Variants in MCTP2 observed in about 807,000 individuals in gnomAD.
MCTP2 encodes multiple C2 and transmembrane domain containing 2, also known as multiple C2 and transmembrane domain-containing protein 2.
A neutral mutation model predicts 111.6 loss-of-function variants in MCTP2; 132 were observed. That is an observed-to-expected ratio of 1.18 (90% CI 1.03 to 1.37). The LOEUF (loss-of-function observed/expected upper bound fraction) is 1.37. Among genes scored for constraint, MCTP2 ranks in the 40% most tolerant of loss-of-function variants. The pLI, the probability that MCTP2 is intolerant of heterozygous loss-of-function variation, is 0.00. For missense variants in MCTP2, 1,183 were observed against 1,067.9 expected, an observed-to-expected ratio of 1.11 and a Z score of -1.50; for synonymous variants, 395 against 387.7, an observed-to-expected ratio of 1.02 and a Z score of -0.22.
intron 12 of MCTP2, among the ~76,000 whole-genome samples, chr15:94,372,075 C>T (rs2079520401): frequency 1.3e-5 from 2 of 152,130 alleles, no homozygotes; most frequent in African/African-American, 4.8e-5. Flanking sequence ...GAAATGTTTT[C>T]ATCTTGTTGT....
chr15:94,303,125 T>C (rs556764267), intron 2 of MCTP2, among the ~76,000 whole-genome samples: 130 of 134,854 alleles, frequency 9.6e-4, no homozygotes, highest in Admixed American at 1.8e-3. Flanking sequence ...AGTTTATATA[T>C]ATAGTTTATA....
At chr15:94,293,448 GT>G (rs2075119072) in intron 1 of MCTP2, among the ~76,000 whole-genome samples, 2 of 152,194 alleles carry the variant, frequency 1.3e-5, no homozygotes, top group African/African-American at 4.8e-5. Flanking sequence ...GCATAGAAAG[GT>G]TTTCAACATC....
chr15:94,236,214 G>C (rs2070530090), intron 1 of MCTP2, among the ~76,000 whole-genome samples: 1 of 151,906 alleles, frequency 6.6e-6, no homozygotes, highest in African/African-American at 2.4e-5. Context: ...CTCTCTTCTA[G>C]AGGCCAAGCA....
In MCTP2 at chr15:94,282,416, T is replaced by G. The variant is rs149827642; in HGVS notation, c.-65-15785T>G. ...AAGTTCAGTTGATTCTTTTGTAAAATGATTATGACATCTTTCAGCTCCTGG... is the reference window on the plus strand; with the variant it reads ...AAGTTCAGTTGATTCTTTTGTAAAAGGATTATGACATCTTTCAGCTCCTGG... On this transcript the variant is annotated intron_variant, in intron 1 of 22. Transcript: ENST00000357742. Among the ~76,000 whole-genome samples the G allele has an allele frequency of 4.6e-3, 695 of 152,326 alleles. 6 individuals are homozygous for G. The highest frequency in any genetic ancestry group is 0.014 in the African/African-American group (599 of 41,564).
intron 22 of MCTP2, 69 bp from the exon 23 acceptor site, chr15:94,478,897 G>A (rs2074580994): frequency 2.2e-6 from 3 of 1,373,576 alleles, no homozygotes; most frequent in South Asian, 1.2e-5. Context: ...TCCTTGGGGA[G>A]CCATTAGCAC....
At chr15:94,398,903 A>T in intron 14 of MCTP2, 58 bp from the exon 15 acceptor site, 2 of 1,046,232 alleles carry the variant, frequency 1.9e-6, no homozygotes, top group Non-Finnish European at 2.9e-6. Flanking sequence ...TTGGTTATTT[A>T]CTTTAAACCA....
intron 17 of MCTP2, among the ~76,000 whole-genome samples, chr15:94,409,959 C>T (rs143544975): frequency 6.6e-6 from 1 of 151,134 alleles, no homozygotes; most frequent in East Asian, 2.0e-4. Flanking sequence ...CTCCAGAAGC[C>T]CTCCTCACCT....
chr15:94,432,887 T>C (rs1327262364), intron 17 of MCTP2, among the ~76,000 whole-genome samples: 1 of 152,202 alleles, frequency 6.6e-6, no homozygotes, highest in Non-Finnish European at 1.5e-5. Flanking sequence ...TTGAACTTGG[T>C]GTCTGAAGTT....
intron 1 of MCTP2, among the ~76,000 whole-genome samples, chr15:94,239,337 G>A (rs934814813): frequency 6.6e-6 from 1 of 152,194 alleles, no homozygotes; most frequent in Admixed American, 6.5e-5. Context: ...TCCACCTCCA[G>A]TTGCCCCTTC....
At chr15:94,473,054 T>TTCTA (rs2074058230) in intron 21 of MCTP2, among the ~76,000 whole-genome samples, 1 of 135,926 alleles carries the variant, frequency 7.4e-6, no homozygotes. Flanking sequence ...AAATGTTTTG[T>TTCTA]TCTATGTTTT....
chr15:94,383,646 C>G (rs770663176), intron 12 of MCTP2, among the ~76,000 whole-genome samples: 30 of 152,196 alleles, frequency 2.0e-4, no homozygotes, highest in Non-Finnish European at 3.5e-4. Context: ...ACCATCAGAT[C>G]TCATGAGACT....
At chr15:94,403,900 C>A (rs1213680987) in intron 17 of MCTP2, among the ~76,000 whole-genome samples, 1 of 152,130 alleles carries the variant, frequency 6.6e-6, no homozygotes, top group African/African-American at 2.4e-5. Context: ...GTATATGCGA[C>A]TGTGTGTATA....
At chr15:94,365,546 C>A (rs1401389524) in intron 10 of MCTP2, among the ~76,000 whole-genome samples, 1 of 152,118 alleles carries the variant, frequency 6.6e-6, no homozygotes, top group Non-Finnish European at 1.5e-5. Flanking sequence ...ATAAGTTGAG[C>A]ACTTAAACAG....
chr15:94,323,013 G>T (rs927453830), intron 4 of MCTP2, among the ~76,000 whole-genome samples: 4 of 152,200 alleles, frequency 2.6e-5, no homozygotes, highest in Non-Finnish European at 4.4e-5. Flanking sequence ...CGAGAGGCTG[G>T]GAAATAGGCT....
rs1326968035 is a variant in MCTP2 at position 94,367,586 on chromosome 15, A to G, written c.1302-19A>G. On this transcript the variant is annotated intron_variant, in intron 10 of 22. Transcript: ENST00000357742. ...GAATTAATCACTTTTCTCTCTCTTGATTCCTGAAACTTTTCTAGGTGTAAA... is the reference window on the plus strand; with the variant it reads ...GAATTAATCACTTTTCTCTCTCTTGGTTCCTGAAACTTTTCTAGGTGTAAA... The G allele has an allele frequency of 1.0e-5, 16 of 1,598,484 alleles. No individual in the cohort carries two copies. Among genetic ancestry groups the G allele is most frequent in the Admixed American group, 3.5e-5 (2 of 56,760 alleles).
intron 10 of MCTP2, among the ~76,000 whole-genome samples, chr15:94,361,118 A>G (rs935417737): frequency 6.4e-5 from 1 of 15,610 alleles, no homozygotes; most frequent in African/African-American, 2.2e-4. Flanking sequence ...TTTTTTTTTT[A>G]ACACATTTGC....
At chr15:94,430,575 T>TA (rs2083127959) in intron 17 of MCTP2, among the ~76,000 whole-genome samples, 3 of 19,442 alleles carry the variant, frequency 1.5e-4, no homozygotes, top group Non-Finnish European at 3.4e-4. Flanking sequence ...CTACTAAAAA[T>TA]ACAAAAAAAA....
chr15:94,304,936 A>G (rs1474140036), intron 2 of MCTP2, among the ~76,000 whole-genome samples: 1 of 152,108 alleles, frequency 6.6e-6, no homozygotes, highest in Non-Finnish European at 1.5e-5. Flanking sequence ...CATTAATTGT[A>G]TGTTATCACT....
At chr15:94,397,432 G>T (rs2081335734) in intron 14 of MCTP2, among the ~76,000 whole-genome samples, 2 of 152,230 alleles carry the variant, frequency 1.3e-5, no homozygotes, top group South Asian at 4.1e-4. Flanking sequence ...ACCCAAGTCA[G>T]CTTGGCAAAT....
Sources: gnomAD v4.1 joint callset for allele counts (sites outside exome capture counted in the v4.1 genomes callset) on GRCh38, gnomAD v4.1.1 for gene constraint, MANE v1.5 for transcripts, NCBI Gene and HGNC (gene_info 2026-07-23, HGNC 2026-07-21) for gene names.